Variants in GRB2 observed in about 807,000 individuals in gnomAD.
The protein encoded by GRB2 is growth factor receptor-bound protein 2.
Under a neutral mutation model 27.4 loss-of-function variants are expected in GRB2, and 2 were observed. The ratio of observed to expected loss-of-function variants is 0.07; its 90% confidence interval spans 0.03 to 0.23. The LOEUF (loss-of-function observed/expected upper bound fraction) is 0.23. Ranked by LOEUF, GRB2 falls within the 10% of genes least tolerant of loss-of-function variation. GRB2 has a pLI of 1.00. For synonymous variants in GRB2, 94 were observed against 99.6 expected, an observed-to-expected ratio of 0.94 and a Z score of 0.33; for missense variants, 102 against 282.4, an observed-to-expected ratio of 0.36 and a Z score of 4.58.
At chr17:75,369,851 G>A (rs1003866999) in intron 2 of GRB2, among the ~76,000 whole-genome samples, 7 of 84,406 alleles carry the variant, frequency 8.3e-5, no homozygotes, top group African/African-American at 1.8e-4. Context: ...CAGAGACTCC[G>A]TCTCAAAAAA....
At chr17:75,336,503 A>G (rs562033027) in intron 2 of GRB2, among the ~76,000 whole-genome samples, 1 of 152,196 alleles carries the variant, frequency 6.6e-6, no homozygotes, top group Admixed American at 6.5e-5. Context: ...AACTCTATTT[A>G]CCTGCCAGGA....
In GRB2 at chr17:75,341,691, A is replaced by G. The variant is rs564724198; in HGVS notation, c.79-8894T>C. On this transcript the variant is annotated intron_variant, in intron 2 of 5. Transcript: ENST00000316804. Reference sequence around the variant, plus strand: ...TACTTTATACTTCCCTCTGCCTATGAAGGAAGGAGTTGTGCCCCATGAATA... The same window carrying G: ...TACTTTATACTTCCCTCTGCCTATGGAGGAAGGAGTTGTGCCCCATGAATA... Among the ~76,000 whole-genome samples, 14 of 152,128 alleles carry G rather than the reference A, an allele frequency of 9.2e-5. No individual in the cohort carries two copies. The South Asian group carries it at 2.9e-3, about 32-fold the overall frequency.
intron 2 of GRB2, among the ~76,000 whole-genome samples, chr17:75,334,296 G>A (rs564937475): frequency 1.9e-4 from 29 of 151,704 alleles, no homozygotes; most frequent in Admixed American, 6.6e-4. Context: ...TCAGCCTCCC[G>A]AGTGGCTGGG....
chr17:75,397,734 A>T (rs1297545013), intron 1 of GRB2, among the ~76,000 whole-genome samples: 2 of 152,154 alleles, frequency 1.3e-5, no homozygotes, highest in African/African-American at 4.8e-5. Flanking sequence ...ACCTTATAAG[A>T]TCCACTGAGG....
intron 2 of GRB2, among the ~76,000 whole-genome samples, chr17:75,383,003 C>T (rs2078939320): frequency 6.6e-6 from 1 of 152,174 alleles, no homozygotes; most frequent in Non-Finnish European, 1.5e-5. Flanking sequence ...GCCACTGCGC[C>T]CAGCCGGCAT....
chr17:75,366,252 G>T (rs748322644), intron 2 of GRB2, among the ~76,000 whole-genome samples: 82 of 152,106 alleles, frequency 5.4e-4, no homozygotes, highest in Non-Finnish European at 1.0e-3. Flanking sequence ...TTTCGATTAT[G>T]TGAGCCAATA....
intron 2 of GRB2, among the ~76,000 whole-genome samples, chr17:75,338,253 C>CG (rs1410846452): frequency 6.6e-6 from 1 of 151,856 alleles, no homozygotes; most frequent in Non-Finnish European, 1.5e-5. Context: ...TTCATAGAGA[C>CG]GGGGTTTCAC....
intron 2 of GRB2, chr17:75,339,195 G>T (rs878892042): frequency 4.7e-3 from 2,774 of 585,716 alleles, no homozygotes; most frequent in Admixed American, 9.2e-3. Flanking sequence ...CTGAGTTTAT[G>T]TTTTTTTTTT....
At chr17:75,327,195 T>C (rs548780825) in intron 3 of GRB2, among the ~76,000 whole-genome samples, 1 of 151,046 alleles carries the variant, frequency 6.6e-6, no homozygotes, top group African/African-American at 2.4e-5. Flanking sequence ...GCCTCCCAAG[T>C]AGCTGAGCAG....
At position 75,334,196 on chromosome 17, in the gene GRB2, A is replaced by G. The variant is rs528854122; in HGVS notation, c.79-1399T>C. ...ATTTATTTATTTTTTTTTGAGACAGAGTCTCGCTCTGTCGCCCAGGCTGGA... is the reference window on the plus strand; with the variant it reads ...ATTTATTTATTTTTTTTTGAGACAGGGTCTCGCTCTGTCGCCCAGGCTGGA... On this transcript the variant is annotated intron_variant, in intron 2 of 5. Coordinates refer to ENST00000316804, the MANE Select transcript of GRB2 (RefSeq NM_002086.5). Among the ~76,000 whole-genome samples, 20 of 151,752 alleles carry G rather than the reference A, an allele frequency of 1.3e-4. No homozygotes were observed. In the South Asian group the frequency reaches 3.7e-3, roughly 28 times the overall value.
intron 2 of GRB2, chr17:75,339,194 T>C (rs1247564898): frequency 2.3e-6 from 2 of 873,054 alleles, no homozygotes; most frequent in Non-Finnish European, 3.6e-6. Context: ...CCTGAGTTTA[T>C]GTTTTTTTTT....
intron 2 of GRB2, among the ~76,000 whole-genome samples, chr17:75,381,740 A>T (rs960450613): frequency 7.3e-5 from 11 of 151,120 alleles, no homozygotes; most frequent in African/African-American, 2.2e-4. Flanking sequence ...AAAAAGAAAA[A>T]AAAAAAGAAA....
intron 2 of GRB2, among the ~76,000 whole-genome samples, chr17:75,351,150 G>A (rs2078689882): frequency 6.6e-6 from 1 of 152,094 alleles, no homozygotes; most frequent in Non-Finnish European, 1.5e-5. Flanking sequence ...TGAGATTAGG[G>A]TAGGGGGCTT....
At chr17:75,375,450 C>G (rs2078886217) in intron 2 of GRB2, among the ~76,000 whole-genome samples, 1 of 151,892 alleles carries the variant, frequency 6.6e-6, no homozygotes, top group Non-Finnish European at 1.5e-5. Context: ...AGACTCTACC[C>G]AACAACAGCA....
chr17:75,398,014 G>C (rs745754128), intron 1 of GRB2, among the ~76,000 whole-genome samples: 8 of 151,762 alleles, frequency 5.3e-5, no homozygotes, highest in Non-Finnish European at 1.0e-4. Flanking sequence ...GCTAACTTTT[G>C]CATTTTTAGT....
chr17:75,374,486 T>G (rs1326349166), intron 2 of GRB2, among the ~76,000 whole-genome samples: 1 of 151,996 alleles, frequency 6.6e-6, no homozygotes, highest in Non-Finnish European at 1.5e-5. Flanking sequence ...TCCCAGCATT[T>G]TGGGAGGCCA....
At chr17:75,344,191 C>T (rs1224240668) in intron 2 of GRB2, among the ~76,000 whole-genome samples, 1 of 152,128 alleles carries the variant, frequency 6.6e-6, no homozygotes, top group East Asian at 1.9e-4. Flanking sequence ...TGGTTATTCC[C>T]TGTCTGCATC....
chr17:75,356,389 T>C (rs1364986307), intron 2 of GRB2, among the ~76,000 whole-genome samples: 1 of 152,028 alleles, frequency 6.6e-6, no homozygotes, highest in Non-Finnish European at 1.5e-5. Flanking sequence ...GTACCTGTGG[T>C]CCCAGCTACT....
chr17:75,349,657 T>C (rs1233070244), intron 2 of GRB2, among the ~76,000 whole-genome samples: 7 of 151,734 alleles, frequency 4.6e-5, no homozygotes, highest in Non-Finnish European at 1.0e-4. Context: ...GTAGCTAGGA[T>C]TGCAGGCGCC....
Sources: allele counts gnomAD v4.1 joint callset (sites outside exome capture counted in the v4.1 genomes callset), GRCh38; gene constraint gnomAD v4.1.1; transcripts MANE v1.5; gene names NCBI Gene and HGNC (gene_info 2026-07-23, HGNC 2026-07-21).